Variants in TEAD1 observed in about 807,000 individuals in gnomAD.
TEAD1 encodes the protein TEA domain transcription factor 1, also known as transcriptional enhancer factor TEF-1.
Under a neutral mutation model 54.9 loss-of-function variants are expected in TEAD1, and 9 were observed. The ratio of observed to expected loss-of-function variants is 0.16; its 90% CI spans 0.10 to 0.29. TEAD1 has a LOEUF of 0.29. Among genes scored for constraint, TEAD1 ranks in the 10% least tolerant of loss-of-function variants. The pLI, the probability that TEAD1 is intolerant of heterozygous loss-of-function variation, is 1.00. For missense variants in TEAD1, 387 were observed against 535.9 expected (o/e 0.72, Z 2.74); for synonymous variants, 200 against 187.8 (o/e 1.07, Z -0.53).
intron 10 of TEAD1, among the ~76,000 whole-genome samples, chr11:12,915,804 A>G (rs1346502137): frequency 6.6e-6 from 1 of 152,212 alleles, no homozygotes; most frequent in African/African-American, 2.4e-5. Context: ...ACATTGTGCC[A>G]CTGCACTCCA....
At chr11:12,744,443 C>CA (rs1245389971) in intron 2 of TEAD1, among the ~76,000 whole-genome samples, 1 of 152,132 alleles carries the variant, frequency 6.6e-6, no homozygotes, top group African/African-American at 2.4e-5. Context: ...AAATCACAGA[C>CA]ACAGAGAAGT....
intron 2 of TEAD1, among the ~76,000 whole-genome samples, chr11:12,751,901 C>G (rs1205891482): frequency 2.6e-5 from 4 of 152,194 alleles, no homozygotes. Flanking sequence ...GCTCAGTGCA[C>G]TTTGGTGGCT....
intron 2 of TEAD1, among the ~76,000 whole-genome samples, chr11:12,720,003 A>T (rs1944159433): frequency 8.1e-5 from 4 of 49,372 alleles, no homozygotes; most frequent in East Asian, 7.2e-4. Flanking sequence ...TTGGGGGGGG[A>T]CCCAGCCATG....
chr11:12,819,297 C>T (rs1946480548), intron 3 of TEAD1, among the ~76,000 whole-genome samples: 1 of 147,588 alleles, frequency 6.8e-6, no homozygotes, highest in Non-Finnish European at 1.5e-5. Flanking sequence ...TTTTTTTTTA[C>T]ACTTTGCTGT....
intron 3 of TEAD1, chr11:12,849,295 C>G (rs1412726746): frequency 1.3e-5 from 2 of 152,192 alleles, no homozygotes; most frequent in Non-Finnish European, 2.9e-5. Context: ...AGTGATCCAC[C>G]TGGACCTCCC....
At chr11:12,681,971 C>G (rs1333711142) in intron 2 of TEAD1, among the ~76,000 whole-genome samples, 3 of 152,246 alleles carry the variant, frequency 2.0e-5, no homozygotes, top group African/African-American at 7.2e-5. Flanking sequence ...AGCATGTGCA[C>G]TGCAGCCTCC....
At chr11:12,705,808 T>C (rs957007896) in intron 2 of TEAD1, among the ~76,000 whole-genome samples, 2 of 152,246 alleles carry the variant, frequency 1.3e-5, no homozygotes, top group Non-Finnish European at 2.9e-5. Context: ...ATAATAATTC[T>C]TAGTTCACAT....
intron 2 of TEAD1, among the ~76,000 whole-genome samples, chr11:12,677,474 G>A (rs956690221): frequency 1.3e-5 from 2 of 152,084 alleles, no homozygotes; most frequent in African/African-American, 4.8e-5. Flanking sequence ...GGAGACTGGA[G>A]TCCCCTTTTA....
chr11:12,697,021 T>C (rs1943600647), intron 2 of TEAD1, among the ~76,000 whole-genome samples: 2 of 152,154 alleles, frequency 1.3e-5, no homozygotes, highest in African/African-American at 4.8e-5. Flanking sequence ...TTAGGCTGTG[T>C]GGTGCTAGGT....
At chr11:12,811,980 A>G (rs1263838650) in intron 3 of TEAD1, among the ~76,000 whole-genome samples, 1 of 151,918 alleles carries the variant, frequency 6.6e-6, no homozygotes, top group Non-Finnish European at 1.5e-5. Flanking sequence ...TTGCTTTATG[A>G]TGTTCCTGTC....
At chr11:12,883,830 G>T (rs908066319) in intron 9 of TEAD1, among the ~76,000 whole-genome samples, 5 of 151,970 alleles carry the variant, frequency 3.3e-5, no homozygotes, top group African/African-American at 7.3e-5. Context: ...TGGCCAACAT[G>T]GTGAAACCCC....
intron 2 of TEAD1, among the ~76,000 whole-genome samples, chr11:12,709,476 A>G (rs1457166465): frequency 6.6e-6 from 1 of 152,046 alleles, no homozygotes; most frequent in Non-Finnish European, 1.5e-5. Context: ...CTGGGCTCAA[A>G]TGATTCTCCT....
chr11:12,871,279 C>A (rs1947739655), intron 5 of TEAD1, among the ~76,000 whole-genome samples: 1 of 152,248 alleles, frequency 6.6e-6, no homozygotes, highest in Non-Finnish European at 1.5e-5. Flanking sequence ...CTCACCCTTT[C>A]CCTTAGTTTA....
At chr11:12,675,230 C>T (rs977210697) in intron 1 of TEAD1, among the ~76,000 whole-genome samples, 179 bp from the exon 2 acceptor site, 10 of 151,856 alleles carry the variant, frequency 6.6e-5, no homozygotes, top group African/African-American at 1.2e-4. Context: ...CGCGGGCGGG[C>T]AGAGCCGCCG....
At chr11:12,721,445 A>C (rs1033227932) in intron 2 of TEAD1, among the ~76,000 whole-genome samples, 1 of 152,200 alleles carries the variant, frequency 6.6e-6, no homozygotes, top group African/African-American at 2.4e-5. Flanking sequence ...GATGATCTGC[A>C]CACACCCCTA....
rs200928483 is a variant in TEAD1, at chr11:12,908,883, G to T, written c.873+6770G>T. Among the ~76,000 whole-genome samples the T allele has an allele frequency of 2.9e-4, 29 of 99,652 alleles. 1 individual carries two copies. Among genetic ancestry groups the T allele is most frequent in the Middle Eastern group, 4.3e-3 (1 of 230 alleles). 65.4% of individuals were successfully genotyped at this position (99,652 alleles called of 152,430 possible). On this transcript the variant is annotated intron_variant, in intron 10 of 12. Coordinates refer to ENST00000527636, the MANE Select transcript of TEAD1 (RefSeq NM_021961.6). The stretch of plus-strand genomic sequence containing the variant: ...TATGTCAGTATACTTCAAATTATCT[G>T]TTTTTTTTTTTTTGAGACAGTGTTG...
At chr11:12,769,327 C>T (rs187232123) in intron 3 of TEAD1, among the ~76,000 whole-genome samples, 1 of 152,094 alleles carries the variant, frequency 6.6e-6, no homozygotes, top group Non-Finnish European at 1.5e-5. Context: ...TTCTTTACTT[C>T]ATAGGAGCAG....
chr11:12,724,910 C>T (rs1944284789), intron 2 of TEAD1, among the ~76,000 whole-genome samples: 2 of 152,180 alleles, frequency 1.3e-5, no homozygotes, highest in Admixed American at 1.3e-4. Flanking sequence ...CGGGGCTGCT[C>T]CCTAACCTTG....
intron 9 of TEAD1, among the ~76,000 whole-genome samples, chr11:12,884,111 T>C (rs1176589885): frequency 2.0e-5 from 3 of 152,084 alleles, no homozygotes; most frequent in Non-Finnish European, 4.4e-5. Flanking sequence ...TATTTGTCAC[T>C]TTCTTCTTTC....
Sources: allele counts gnomAD v4.1 joint callset (sites outside exome capture counted in the v4.1 genomes callset), GRCh38; gene constraint gnomAD v4.1.1; transcripts MANE v1.5; gene names NCBI Gene and HGNC (gene_info 2026-07-23, HGNC 2026-07-21).